The following TANK variants were observed in gnomAD, a reference collection of about 807,000 sequenced individuals.
TANK encodes TRAF family member associated NFKB activator.
In TANK, 15 loss-of-function variants were observed where a neutral mutation model predicts 43.6. The ratio of observed to expected loss-of-function variants is 0.34; its 90% CI spans 0.23 to 0.53. TANK has a LOEUF of 0.53. Among genes scored for constraint, TANK ranks in the 20% least tolerant of loss-of-function variants. The pLI is 0.94. For missense variants in TANK, 417 were observed against 498.6 expected (o/e 0.84, Z 1.56); for synonymous variants, 162 against 178.2 (o/e 0.91, Z 0.73).
chr2:161,191,486 T>C (rs1685910965), intron 2 of TANK, among the ~76,000 whole-genome samples: 1 of 152,226 alleles, frequency 6.6e-6, no homozygotes, highest in East Asian at 1.9e-4. Flanking sequence ...TAAGATTTGT[T>C]GAGGTTTGTT....
chr2:161,214,793 TC>T (rs1687045665), intron 4 of TANK, among the ~76,000 whole-genome samples: 2 of 152,110 alleles, frequency 1.3e-5, no homozygotes, highest in African/African-American at 4.8e-5. Context: ...GAAAAGTGAA[TC>T]AGAGAAAAAG....
At chr2:161,171,808 C>T (rs950646453) in intron 1 of TANK, among the ~76,000 whole-genome samples, 16 of 152,150 alleles carry the variant, frequency 1.1e-4, no homozygotes, top group African/African-American at 3.4e-4. Context: ...ACTTCTCTTT[C>T]GAAACAACTT....
intron 1 of TANK, among the ~76,000 whole-genome samples, chr2:161,169,462 TGGG>T (rs1389535306): frequency 2.0e-5 from 3 of 151,950 alleles, no homozygotes; most frequent in Non-Finnish European, 4.4e-5. Context: ...ATTGGGGAAA[TGGG>T]GGAGAATAGG....
rs2105378261 is a variant in TANK at position 161,221,422 on chromosome 2, A to T, written c.328-2493A>T. Among the ~76,000 whole-genome samples the T allele has an allele frequency of 2.6e-5, 4 of 152,232 alleles. No homozygotes were observed. The South Asian group carries it at 8.3e-4, about 32-fold the overall frequency. On this transcript the variant is annotated intron_variant, in intron 4 of 7. Transcript: ENST00000392749. The stretch of plus-strand genomic sequence containing the variant: ...TAGAAAGAAAAATACAAGTTATCTT[A>T]CTCTCTGAGATGCTCAACAAACTGA...
intron 1 of TANK, among the ~76,000 whole-genome samples, chr2:161,139,475 G>A (rs1473414647): frequency 6.6e-6 from 1 of 152,140 alleles, no homozygotes; most frequent in Non-Finnish European, 1.5e-5. Context: ...CTGTGTAGTG[G>A]TCTGCTGTTA....
chr2:161,221,197 A>G (rs1687324761), intron 4 of TANK, among the ~76,000 whole-genome samples: 1 of 152,226 alleles, frequency 6.6e-6, no homozygotes, highest in Non-Finnish European at 1.5e-5. Context: ...CCACAAGTTC[A>G]GCATTTCCAA....
intron 2 of TANK, among the ~76,000 whole-genome samples, chr2:161,199,217 A>G (rs1371548565): frequency 6.6e-6 from 1 of 152,108 alleles, no homozygotes; most frequent in African/African-American, 2.4e-5. Context: ...ACCTTGGAAT[A>G]ATTTGAAAGG....
chr2:161,212,610 C>G lies in TANK; in HGVS notation c.327+7817C>G, dbSNP rs1041562635. On this transcript the variant is annotated intron_variant, in intron 4 of 7. Coordinates refer to ENST00000392749, the MANE Select transcript of TANK (RefSeq NM_001199135.3). ...ATATGTCACCTTCTAAATTGTCTTT[C>G]CTAACTTAGAAGCAAATTCGAATGT... The G allele has an allele frequency of 1.3e-4, 124 of 985,268 alleles. 1 individual carries two copies. In the Middle Eastern group the frequency reaches 2.1e-3, roughly 17 times the overall value. 61.0% of individuals were successfully genotyped at this position (985,268 alleles called of 1,614,324 possible). A position where few individuals can be genotyped will look rare whatever the true frequency, so the allele number is the denominator to read the frequency against.
At chr2:161,217,676 G>A (rs1028904976) in intron 4 of TANK, among the ~76,000 whole-genome samples, 2 of 150,106 alleles carry the variant, frequency 1.3e-5, no homozygotes, top group Non-Finnish European at 3.0e-5. Flanking sequence ...GGTTTGTTAG[G>A]TGCTCACTCC....
At chr2:161,214,694 A>T (rs1161233211) in intron 4 of TANK, among the ~76,000 whole-genome samples, 2 of 152,180 alleles carry the variant, frequency 1.3e-5, no homozygotes, top group Non-Finnish European at 2.9e-5. Flanking sequence ...AGTTGATTTC[A>T]ATTATGTCAG....
At chr2:161,185,872 A>T (rs1225846370) in intron 2 of TANK, among the ~76,000 whole-genome samples, 1 of 151,320 alleles carries the variant, frequency 6.6e-6, no homozygotes, top group Non-Finnish European at 1.5e-5. Flanking sequence ...TAAAAAAAAT[A>T]ATAATAATTC....
At chr2:161,168,764 T>C (rs1238297934) in intron 1 of TANK, among the ~76,000 whole-genome samples, 1 of 151,934 alleles carries the variant, frequency 6.6e-6, no homozygotes, top group Non-Finnish European at 1.5e-5. Flanking sequence ...ATCCCGGAGG[T>C]GGAGGTTGCA....
In TANK at chr2:161,210,712, AAAG is replaced by A. The variant is rs1308594828; in HGVS notation, c.327+5922_327+5924del. 2.6e-5 allele frequency among the ~76,000 whole-genome samples: 4 copies of A among 152,034 alleles called. No individual in the cohort carries two copies. In the South Asian group the frequency reaches 6.2e-4, roughly 24 times the overall value. On this transcript the variant is annotated intron_variant, in intron 4 of 7. Transcript: ENST00000392749. ...AACTCCGTCTAAAAAAAAAAAAAAA[AAAG>A]AAATTCTAACTATAATTTTATGGCA...
chr2:161,202,182 C>CTTTT (rs35913723), intron 2 of TANK, among the ~76,000 whole-genome samples: 128 of 78,108 alleles, frequency 1.6e-3, no homozygotes, highest in Non-Finnish European at 2.0e-3. Context: ...GCTCTAATTT[C>CTTTT]TTTTTTTTTT....
chr2:161,212,663 TC>T, intron 4 of TANK: 1 of 985,402 alleles, frequency 1.0e-6, no homozygotes, highest in Non-Finnish European at 1.2e-6. Context: ...TCTCCTTATT[TC>T]CCCTATCATC....
chr2:161,216,272 A>G, intron 4 of TANK: 1 of 370,830 alleles, frequency 2.7e-6, no homozygotes. Flanking sequence ...TAGAAGTTAC[A>G]TCTGGACCGT....
chr2:161,230,326 A>G (rs1206769208), intron 6 of TANK, among the ~76,000 whole-genome samples: 5 of 152,170 alleles, frequency 3.3e-5, no homozygotes, highest in Admixed American at 6.5e-5. Flanking sequence ...TCTACCAGAT[A>G]TTTACCTGTT....
rs1001617137 is a variant in TANK at position 161,218,469 on chromosome 2, T to C, written c.328-5446T>C. Among the ~76,000 whole-genome samples the C allele has an allele frequency of 4.6e-5, 7 of 152,330 alleles. No individual in the cohort carries two copies. The East Asian group carries it at 1.3e-3, about 29-fold the overall frequency. On this transcript the variant is annotated intron_variant, in intron 4 of 7. Transcript: ENST00000392749. ...ATCACAGCTACTCCGCCTGCCAAAC[T>C]ATACACAAATTATTTGATCTCTTCA...
intron 4 of TANK, among the ~76,000 whole-genome samples, chr2:161,206,245 T>C (rs1019746973): frequency 2.0e-5 from 3 of 152,122 alleles, no homozygotes; most frequent in Admixed American, 1.3e-4. Context: ...TCATAAGTCA[T>C]TGAAATTTTA....
Sources: gnomAD v4.1 joint callset for allele counts (sites outside exome capture counted in the v4.1 genomes callset) on GRCh38, gnomAD v4.1.1 for gene constraint, MANE v1.5 for transcripts, NCBI Gene and HGNC (gene_info 2026-07-23, HGNC 2026-07-21) for gene names.